Variants in MAP2K1 observed in about 807,000 individuals in gnomAD.
The protein encoded by MAP2K1 is mitogen-activated protein kinase kinase 1.
MAP2K1 carries 16 observed loss-of-function variants against 46.3 expected under a neutral mutation model. The ratio of observed to expected loss-of-function variants is 0.35; its 90% CI spans 0.23 to 0.52. MAP2K1 has a LOEUF of 0.52. MAP2K1 is among the 20% of genes least tolerant of loss of function. The pLI, the probability that MAP2K1 is intolerant of heterozygous loss-of-function variation, is 0.94. For synonymous variants in MAP2K1, 183 were observed against 185.6 expected, an observed-to-expected ratio of 0.99 and a Z score of 0.11; for missense variants, 263 against 497.1, an observed-to-expected ratio of 0.53 and a Z score of 4.48.
intron 5 of MAP2K1, among the ~76,000 whole-genome samples, chr15:66,457,546 A>G (rs1892196614): frequency 1.3e-5 from 2 of 152,182 alleles, no homozygotes; most frequent in African/African-American, 4.8e-5. Context: ...GAAAGAGATG[A>G]CTGTGTGGCC....
At chr15:66,467,051 G>A (rs377456755) in intron 5 of MAP2K1, among the ~76,000 whole-genome samples, 5 of 152,158 alleles carry the variant, frequency 3.3e-5, no homozygotes, top group South Asian at 2.1e-4. Flanking sequence ...CCTGGCCAAC[G>A]TTGTGAAAGC....
chr15:66,490,901 T>C lies in MAP2K1; in HGVS notation c.*286T>C. 2.0e-6 allele frequency: 1 copy of C among 504,438 alleles called. No homozygotes were observed. Among genetic ancestry groups the C allele is most frequent in the South Asian group, 2.0e-5 (1 of 49,084 alleles). 31.2% of individuals were successfully genotyped at this position (504,438 alleles called of 1,614,324 possible). ...AGGCTGAATTACAGTGAAATTTTGG[T>C]GAATGTGGGTAGTCATTCTTACAAT... On this transcript the variant is annotated 3_prime_UTR_variant, in exon 11 of 11. Transcript: ENST00000307102.
At chr15:66,449,003 CAAAAA>C (rs59398424) in intron 5 of MAP2K1, among the ~76,000 whole-genome samples, 10 of 47,952 alleles carry the variant, frequency 2.1e-4, no homozygotes, top group African/African-American at 7.0e-4. Context: ...GACACTGTCT[CAAAAA>C]AAAAAAAAAA....
intron 1 of MAP2K1, among the ~76,000 whole-genome samples, chr15:66,392,795 C>T (rs565502601): frequency 7.7e-4 from 117 of 152,080 alleles, no homozygotes; most frequent in Middle Eastern, 3.4e-3. Context: ...TCAGATGATC[C>T]GCCTGCCTCA....
chr15:66,412,618 C>G (rs2093414076), intron 1 of MAP2K1, among the ~76,000 whole-genome samples: 1 of 152,200 alleles, frequency 6.6e-6, no homozygotes, highest in Non-Finnish European at 1.5e-5. Flanking sequence ...TAGATTGCAT[C>G]CTGGTCACAC....
Position 66,436,823 on chromosome 15 carries a change from T to C in MAP2K1, c.369T>C (p.Ser123=). The C allele has an allele frequency of 6.2e-7, 1 of 1,614,200 alleles. No homozygotes were observed. The highest frequency in any genetic ancestry group is 8.5e-7 in the Non-Finnish European group (1 of 1,180,026). ...TGCAGGTTCTGCATGAGTGCAACTC[T>C]CCGTACATCGTGGGCTTCTATGGTG... ...RELQVLHECN[S]PYIVGFYGAF... The change falls in exon 3 of 11, where the codon TCT becomes TCC. Residue 123 remains serine (S), a synonymous_variant. Transcript: ENST00000307102.
chr15:66,445,341 G>A (rs1043278922), intron 5 of MAP2K1, among the ~76,000 whole-genome samples: 1 of 152,092 alleles, frequency 6.6e-6, no homozygotes, highest in African/African-American at 2.4e-5. Flanking sequence ...GTGGTGAGCC[G>A]AGATTGCACT....
Position 66,387,199 on chromosome 15 carries a change from G to C in MAP2K1, c.-149G>C, listed in dbSNP as rs1174964827. ...CCGCTACCGGCCCCTCGGCGCTGACGGGACCGCGCGGGGCGCACCCGCTGA... is the reference window on the plus strand; with the variant it reads ...CCGCTACCGGCCCCTCGGCGCTGACCGGACCGCGCGGGGCGCACCCGCTGA... On this transcript the variant is annotated 5_prime_UTR_variant, in exon 1 of 11. Transcript: ENST00000307102. The C allele has an allele frequency of 1.7e-6, 1 of 572,462 alleles. No homozygotes were observed. The highest frequency in any genetic ancestry group is 2.6e-5 in the South Asian group (1 of 38,318). The allele number at this position is 572,462 out of a possible 1,614,324, so 35.5% of individuals were successfully genotyped here.
chr15:66,417,847 AT>A (rs1567001689), intron 1 of MAP2K1, among the ~76,000 whole-genome samples: 1 of 152,158 alleles, frequency 6.6e-6, no homozygotes, highest in East Asian at 1.9e-4. Context: ...AATTGGAGAC[AT>A]ATTTTGAGTG....
At chr15:66,489,151 TG>T in intron 8 of MAP2K1, 63 bp from the exon 9 acceptor site, 1 of 1,291,756 alleles carries the variant, frequency 7.7e-7, no homozygotes, top group Non-Finnish European at 1.1e-6. Flanking sequence ...AGGGGTGGGA[TG>T]GGGAGAGGAG....
intron 6 of MAP2K1, among the ~76,000 whole-genome samples, chr15:66,482,842 G>A (rs778384293): frequency 3.9e-5 from 6 of 152,188 alleles, no homozygotes; most frequent in Non-Finnish European, 8.8e-5. Context: ...GTGGAGGAGC[G>A]TTGGAGTGAG....
chr15:66,479,966 G>A (rs763886966), intron 5 of MAP2K1, among the ~76,000 whole-genome samples: 1 of 151,830 alleles, frequency 6.6e-6, no homozygotes, highest in African/African-American at 2.4e-5. Context: ...GTGCAATGGC[G>A]TGGTCTCAGC....
In MAP2K1 at chr15:66,491,371, A is replaced by G; in HGVS notation, c.*756A>G. 4.3e-6 allele frequency: 1 copy of G among 232,916 alleles called. No individual in the cohort carries two copies. The allele number at this position is 232,916 out of a possible 1,614,324, so 14.4% of individuals were successfully genotyped here. ...ATGTCACAAATTGATCAAGATATTA[A>G]AATGTCGGATTTATCTTTCCCCATA... On this transcript the variant is annotated 3_prime_UTR_variant, in exon 11 of 11. Coordinates refer to ENST00000307102, the MANE Select transcript of MAP2K1 (RefSeq NM_002755.4).
chr15:66,392,231 C>T (rs1005365670), intron 1 of MAP2K1, among the ~76,000 whole-genome samples: 17 of 117,646 alleles, frequency 1.4e-4, no homozygotes, highest in Admixed American at 6.3e-4. Flanking sequence ...GGGAGAACCA[C>T]GAATATTTGT....
rs57043037 is a variant in MAP2K1 at position 66,396,995 on chromosome 15, CTTTTTTTT to C, written c.80+9588_80+9595del. Among the ~76,000 whole-genome samples the C allele has an allele frequency of 2.1e-3, 81 of 39,274 alleles. 1 individual carries two copies. Among genetic ancestry groups the C allele is most frequent in the African/African-American group, 7.8e-3 (78 of 9,994 alleles). The allele number at this position is 39,274 out of a possible 152,430, so 25.8% of individuals were successfully genotyped here. ...CTACCATGCCTGGCCTGTAACGCTT[CTTTTTTTT>C]TTTTTTTTTTTTTTTTTTTGAGATG... On this transcript the variant is annotated intron_variant, in intron 1 of 10. Transcript: ENST00000307102.
At chr15:66,423,211 CT>C (rs1295175655) in intron 1 of MAP2K1, among the ~76,000 whole-genome samples, 1 of 152,138 alleles carries the variant, frequency 6.6e-6, no homozygotes. Context: ...TTTAAAATTT[CT>C]AGCATTTTAA....
At chr15:66,465,690 A>AAAC (rs959122429) in intron 5 of MAP2K1, among the ~76,000 whole-genome samples, 13 of 152,116 alleles carry the variant, frequency 8.5e-5, no homozygotes, top group Non-Finnish European at 1.3e-4. Context: ...TCCATCTCAA[A>AAAC]AACAACAACA....
In MAP2K1 at chr15:66,399,710, C is replaced by T. The variant is rs573676991; in HGVS notation, c.80+12283C>T. Among the ~76,000 whole-genome samples the T allele has an allele frequency of 7.9e-4, 120 of 152,356 alleles. 1 individual carries two copies. In the South Asian group the frequency reaches 0.018, roughly 23 times the overall value. ...CTCCCGGGTTCAAGTGATCCTCCTG[C>T]CTCAGCCTTCTGAGAAGCTGGGACT... On this transcript the variant is annotated intron_variant, in intron 1 of 10. Transcript: ENST00000307102.
intron 4 of MAP2K1, among the ~76,000 whole-genome samples, chr15:66,443,837 T>C (rs145616322): frequency 1.3e-5 from 2 of 152,204 alleles, no homozygotes; most frequent in African/African-American, 2.4e-5. Context: ...CATTGCACTT[T>C]AGTCTGGGCG....
Sources: allele counts gnomAD v4.1 joint callset (sites outside exome capture counted in the v4.1 genomes callset), GRCh38; gene constraint gnomAD v4.1.1; transcripts MANE v1.5; gene names NCBI Gene and HGNC (gene_info 2026-07-23, HGNC 2026-07-21).